The following KCND2 variants were observed in gnomAD, a reference collection of about 807,000 sequenced individuals.
The protein encoded by KCND2 is potassium voltage-gated channel subfamily D member 2.
In KCND2, 16 loss-of-function variants were observed where a neutral mutation model predicts 54.4. The observed-to-expected ratio is 0.29, with a 90% CI of 0.20 to 0.45. The LOEUF is 0.45. KCND2 is among the 20% of genes least tolerant of loss of function. The pLI, the probability that KCND2 is intolerant of heterozygous loss-of-function variation, is 1.00. For synonymous variants in KCND2, 317 were observed against 310.7 expected, an observed-to-expected ratio of 1.02 and a Z score of -0.21; for missense variants, 486 against 824.2, an observed-to-expected ratio of 0.59 and a Z score of 5.02.
At chr7:120,401,186 A>C (rs372772729) in intron 1 of KCND2, among the ~76,000 whole-genome samples, 1 of 152,154 alleles carries the variant, frequency 6.6e-6, no homozygotes, top group Non-Finnish European at 1.5e-5. Context: ...GGAGCAAAAA[A>C]TCTAGGACAG....
chr7:120,402,466 C>T (rs1417195040), intron 1 of KCND2, among the ~76,000 whole-genome samples: 3 of 151,802 alleles, frequency 2.0e-5, no homozygotes, highest in East Asian at 3.9e-4. Context: ...TTGAAGCAGG[C>T]GATAGTGGAT....
rs1191851262 is a variant in KCND2, at chr7:120,745,913, A to G, written c.1601A>G (p.His534Arg). The G allele has an allele frequency of 6.2e-7, 1 of 1,613,824 alleles. No individual in the cohort carries two copies. The highest frequency in any genetic ancestry group is 8.5e-7 in the Non-Finnish European group (1 of 1,179,866). ...ACCAGCACCTGCTGTTCACGACGAC[A>G]CAAAAAAACTTTTCGCATCCCAAAT... ...GVTSTCCSRR[H>R]KKTFRIPNAN... Residue 534 changes from histidine (H) to arginine (R), a missense_variant, in exon 5 of 6, where the codon CAC (histidine) becomes CGC (arginine). His to Arg is a conservative substitution (Grantham distance 29). This residue lies in a region of KCND2 where 202 missense variants were observed against 252.7 expected (regional missense o/e 0.80). Coordinates refer to ENST00000331113, the MANE Select transcript of KCND2 (RefSeq NM_012281.3).
chr7:120,530,252 G>A (rs1053737350), intron 1 of KCND2, among the ~76,000 whole-genome samples: 2 of 152,056 alleles, frequency 1.3e-5, no homozygotes, highest in Non-Finnish European at 2.9e-5. Context: ...ATGATGTATT[G>A]CATGCCTATG....
chr7:120,275,388 T>C lies in KCND2; in HGVS notation c.756T>C (p.Pro252=). 3 of 1,613,800 alleles carry C rather than the reference T, an allele frequency of 1.9e-6. No homozygotes were observed. Among genetic ancestry groups the C allele is most frequent in the East Asian group, 4.5e-5 (2 of 44,828 alleles). The stretch of plus-strand genomic sequence containing the variant: ...ATTTGCTTCGCCTGGCTGCAGCGCC[T>C]AGTCGTTACCGTTTTGTGCGTAGTG... ...VEYLLRLAAA[P]SRYRFVRSVM... The change falls in exon 1 of 6, where the codon CCT becomes CCC. Residue 252 remains proline (P), a synonymous_variant. Coordinates refer to ENST00000331113, the MANE Select transcript of KCND2 (RefSeq NM_012281.3).
chr7:120,410,508 C>T (rs7811775), intron 1 of KCND2, among the ~76,000 whole-genome samples: 49,018 of 151,640 alleles, frequency 0.32, 10,944 homozygotes, highest in African/African-American at 0.62. Flanking sequence ...GTCTAATCCA[C>T]GAATATGGTA....
intron 1 of KCND2, among the ~76,000 whole-genome samples, chr7:120,562,404 T>C (rs1483584994): frequency 6.6e-6 from 1 of 152,134 alleles, no homozygotes; most frequent in Non-Finnish European, 1.5e-5. Context: ...ACATTGGGAG[T>C]TGATAACAAG....
intron 1 of KCND2, among the ~76,000 whole-genome samples, chr7:120,665,090 G>A (rs1791909050): frequency 6.6e-6 from 1 of 152,002 alleles, no homozygotes; most frequent in African/African-American, 2.4e-5. Flanking sequence ...TATTTTTCCA[G>A]AAAAGTGCAG....
At chr7:120,414,730 C>G (rs1801500956) in intron 1 of KCND2, among the ~76,000 whole-genome samples, 1 of 152,048 alleles carries the variant, frequency 6.6e-6, no homozygotes, top group African/African-American at 2.4e-5. Flanking sequence ...ACCACTTTTT[C>G]CTTGATTCCA....
chr7:120,556,733 A>C (rs2116403799), intron 1 of KCND2, among the ~76,000 whole-genome samples: 1 of 152,270 alleles, frequency 6.6e-6, no homozygotes, highest in South Asian at 2.1e-4. Flanking sequence ...AAACAGTATT[A>C]CCTGAAAAAA....
At chr7:120,353,330 A>G (rs1335402045) in intron 1 of KCND2, among the ~76,000 whole-genome samples, 1 of 151,938 alleles carries the variant, frequency 6.6e-6, no homozygotes, top group Non-Finnish European at 1.5e-5. Context: ...TGGAGACTGA[A>G]TGGGAGGAGG....
intron 1 of KCND2, among the ~76,000 whole-genome samples, chr7:120,523,044 C>G (rs1185520106): frequency 6.6e-6 from 1 of 152,080 alleles, no homozygotes; most frequent in Admixed American, 6.6e-5. Flanking sequence ...GTGAACGATA[C>G]AGATGAGGTG....
intron 1 of KCND2, among the ~76,000 whole-genome samples, chr7:120,495,612 T>A (rs1369647408): frequency 1.3e-5 from 2 of 152,178 alleles, no homozygotes; most frequent in Non-Finnish European, 2.9e-5. Flanking sequence ...AATTTTAGAT[T>A]TGTCATTGGT....
intron 1 of KCND2, among the ~76,000 whole-genome samples, chr7:120,512,527 T>C (rs1803133651): frequency 6.6e-6 from 1 of 151,978 alleles, no homozygotes. Context: ...CAATTCACTT[T>C]AGAATCAAAT....
chr7:120,562,946 G>T (rs1211013264), intron 1 of KCND2, among the ~76,000 whole-genome samples: 2 of 151,960 alleles, frequency 1.3e-5, no homozygotes, highest in African/African-American at 4.8e-5. Context: ...AGTATTTTTT[G>T]AAAAGATATT....
At chr7:120,500,349 T>G (rs1802913746) in intron 1 of KCND2, among the ~76,000 whole-genome samples, 1 of 152,204 alleles carries the variant, frequency 6.6e-6, no homozygotes, top group Admixed American at 6.6e-5. Context: ...TTCATGTCCC[T>G]TAGGTACTTT....
intron 1 of KCND2, among the ~76,000 whole-genome samples, chr7:120,568,254 C>A (rs912942322): frequency 6.6e-6 from 1 of 151,994 alleles, no homozygotes; most frequent in Admixed American, 6.6e-5. Context: ...ATTATCAGCC[C>A]TAAAGCTCCA....
chr7:120,555,334 T>G (rs1792150928), intron 1 of KCND2, among the ~76,000 whole-genome samples: 1 of 152,150 alleles, frequency 6.6e-6, no homozygotes, highest in African/African-American at 2.4e-5. Flanking sequence ...TGAATATGGT[T>G]TTTGAGACAG....
chr7:120,595,378 G>A (rs1198842769), intron 1 of KCND2, among the ~76,000 whole-genome samples: 4 of 150,372 alleles, frequency 2.7e-5, no homozygotes, highest in Middle Eastern at 6.9e-3. Context: ...TTGAACCCAG[G>A]AGGTGGACGT....
At chr7:120,413,509 A>G (rs1054829373) in intron 1 of KCND2, among the ~76,000 whole-genome samples, 1 of 152,024 alleles carries the variant, frequency 6.6e-6, no homozygotes, top group African/African-American at 2.4e-5. Context: ...GTACATATGC[A>G]TACATACTTA....
Sources: gnomAD v4.1 joint callset for allele counts (sites outside exome capture counted in the v4.1 genomes callset) on GRCh38, gnomAD v4.1.1 for gene constraint, gnomAD v4.1.1 regional missense constraint, MANE v1.5 for transcripts, NCBI Gene and HGNC (gene_info 2026-07-23, HGNC 2026-07-21) for gene names.